Variants in GSG1L observed in about 807,000 individuals in gnomAD.
The protein encoded by GSG1L is germ cell-specific gene 1-like protein.
Under a neutral mutation model 42.1 loss-of-function variants are expected in GSG1L, and 24 were observed. The ratio of observed to expected loss-of-function variants is 0.57; its 90% CI spans 0.41 to 0.80. GSG1L has a LOEUF of 0.80. GSG1L is among the 30% of genes least tolerant of loss of function. GSG1L has a pLI of 0.00. For synonymous variants in GSG1L, 215 were observed against 203.5 expected (o/e 1.06, Z -0.48); for missense variants, 445 against 472.2 (o/e 0.94, Z 0.53).
At chr16:28,028,845 T>C (rs1159167542) in intron 1 of GSG1L, among the ~76,000 whole-genome samples, 4 of 152,198 alleles carry the variant, frequency 2.6e-5, no homozygotes, top group African/African-American at 9.7e-5. Context: ...TTCACAGTGC[T>C]GTGGTCCCCG....
At chr16:27,936,178 CA>C in intron 2 of GSG1L, among the ~76,000 whole-genome samples, 1 of 152,024 alleles carries the variant, frequency 6.6e-6, no homozygotes, top group Non-Finnish European at 1.5e-5. Flanking sequence ...TCCTTATCGG[CA>C]GACCATCCTG....
At chr16:27,823,993 T>C (rs149325320) in intron 5 of GSG1L, 101 of 700,856 alleles carry the variant, frequency 1.4e-4, no homozygotes, top group African/African-American at 1.3e-3. Context: ...CTGAGGTATT[T>C]AGAGGAGAGC....
intron 3 of GSG1L, among the ~76,000 whole-genome samples, chr16:27,857,028 G>A (rs1415687959): frequency 6.6e-6 from 1 of 152,156 alleles, no homozygotes. Context: ...CTTCGATTGG[G>A]CACCAGAGGA....
chr16:27,878,007 C>T (rs1179489928), intron 3 of GSG1L, among the ~76,000 whole-genome samples: 3 of 152,024 alleles, frequency 2.0e-5, no homozygotes, highest in Non-Finnish European at 4.4e-5. Context: ...AAGAGATTAA[C>T]ACATGTGGCA....
chr16:28,019,308 C>A (rs2085813433), intron 1 of GSG1L, among the ~76,000 whole-genome samples: 1 of 152,210 alleles, frequency 6.6e-6, no homozygotes, highest in South Asian at 2.1e-4. Context: ...GTCATCCTCA[C>A]TGCTCATTAT....
intron 3 of GSG1L, among the ~76,000 whole-genome samples, chr16:27,875,558 A>C (rs2141015819): frequency 6.6e-6 from 1 of 152,284 alleles, no homozygotes; most frequent in African/African-American, 2.4e-5. Flanking sequence ...ATAATTTGAC[A>C]GTTTGACAAC....
At chr16:27,976,460 G>A (rs192014611) in intron 1 of GSG1L, among the ~76,000 whole-genome samples, 136 of 152,250 alleles carry the variant, frequency 8.9e-4, no homozygotes, top group African/African-American at 2.9e-3. Context: ...TTCATAAATC[G>A]TCTTTCTCAA....
intron 3 of GSG1L, among the ~76,000 whole-genome samples, chr16:27,880,302 G>A (rs1034856405): frequency 2.0e-4 from 31 of 152,052 alleles, no homozygotes; most frequent in Admixed American, 2.6e-4. Flanking sequence ...TCTTCTCCTG[G>A]GCATGAATAC....
At chr16:27,930,931 C>A (rs62033486) in intron 2 of GSG1L, among the ~76,000 whole-genome samples, 30,943 of 151,746 alleles carry the variant, frequency 0.2, 3,386 homozygotes, top group East Asian at 0.32. Flanking sequence ...AGAGATGGGG[C>A]CTTGTTATGT....
chr16:27,936,898 A>G (rs2084724660), intron 2 of GSG1L, among the ~76,000 whole-genome samples: 1 of 152,182 alleles, frequency 6.6e-6, no homozygotes, highest in Non-Finnish European at 1.5e-5. Context: ...CGTCCAGGGC[A>G]GGAAAGTCAT....
At chr16:27,984,809 G>C (rs909565927) in intron 1 of GSG1L, among the ~76,000 whole-genome samples, 16 of 151,682 alleles carry the variant, frequency 1.1e-4, no homozygotes, top group African/African-American at 3.9e-4. Flanking sequence ...TCAGGCTTGA[G>C]TGCAGTGGCA....
At chr16:27,824,284 C>T (rs1036061589) in intron 5 of GSG1L, among the ~76,000 whole-genome samples, 5 of 152,198 alleles carry the variant, frequency 3.3e-5, no homozygotes, top group Non-Finnish European at 5.9e-5. Flanking sequence ...CAAAGGGGCT[C>T]AGCGCCTCAC....
At chr16:28,020,705 C>CA (rs2085832618) in intron 1 of GSG1L, among the ~76,000 whole-genome samples, 1 of 152,172 alleles carries the variant, frequency 6.6e-6, no homozygotes, top group African/African-American at 2.4e-5. Flanking sequence ...GGCTAGGTCA[C>CA]AAAAGGCATT....
At chr16:27,917,386 C>A (rs1277472672) in intron 2 of GSG1L, among the ~76,000 whole-genome samples, 3 of 150,814 alleles carry the variant, frequency 2.0e-5, no homozygotes, top group African/African-American at 7.3e-5. Flanking sequence ...GGGGGAGAAG[C>A]TGGCATAGCT....
At chr16:27,876,460 G>A (rs978619654) in intron 3 of GSG1L, among the ~76,000 whole-genome samples, 8 of 152,198 alleles carry the variant, frequency 5.3e-5, no homozygotes, top group African/African-American at 7.2e-5. Flanking sequence ...CCTGGCAGCC[G>A]ATGGAAAAAG....
intron 1 of GSG1L, among the ~76,000 whole-genome samples, chr16:28,020,944 A>AC (rs1349885057): frequency 6.6e-6 from 1 of 152,088 alleles, no homozygotes; most frequent in African/African-American, 2.4e-5. Flanking sequence ...CTCCTGAGAG[A>AC]CCCCCAACCC....
intron 3 of GSG1L, among the ~76,000 whole-genome samples, chr16:27,871,470 C>G (rs988680426): frequency 2.6e-5 from 4 of 152,044 alleles, no homozygotes; most frequent in Non-Finnish European, 5.9e-5. Flanking sequence ...GACGAAACCC[C>G]GTCTCTACAA....
At chr16:27,864,643 A>G (rs1358250450) in intron 3 of GSG1L, among the ~76,000 whole-genome samples, 4 of 152,240 alleles carry the variant, frequency 2.6e-5, no homozygotes. Flanking sequence ...TTTGCCTCAG[A>G]TTGAACAAGT....
rs766523162 is a variant in GSG1L at position 27,800,095 on chromosome 16, C to T, written c.898+7392G>A. Among the ~76,000 whole-genome samples the T allele has an allele frequency of 3.3e-5, 5 of 152,270 alleles. No individual in the cohort carries two copies. In the South Asian group the frequency reaches 8.3e-4, roughly 25 times the overall value. Reference sequence around the variant, plus strand: ...GATGCTCCTGTTGGCTTGGATCTCTCGACCCCCAGTGCTGAGGTCTCAGAT... The same window carrying T: ...GATGCTCCTGTTGGCTTGGATCTCTTGACCCCCAGTGCTGAGGTCTCAGAT... On this transcript the variant is annotated intron_variant, in intron 6 of 6. Coordinates refer to ENST00000447459, the MANE Select transcript of GSG1L (RefSeq NM_001109763.2).
Sources: gnomAD v4.1 joint callset for allele counts (sites outside exome capture counted in the v4.1 genomes callset) on GRCh38, gnomAD v4.1.1 for gene constraint, MANE v1.5 for transcripts, NCBI Gene and HGNC (gene_info 2026-07-23, HGNC 2026-07-21) for gene names.